GALNT10: variants seen among roughly 807,000 people sequenced by gnomAD.
GALNT10 encodes polypeptide N-acetylgalactosaminyltransferase 10, also known as GalNAc transferase 10.
GALNT10 carries 41 observed loss-of-function variants against 75.0 expected under a neutral mutation model. The observed-to-expected ratio is 0.55, with a 90% CI of 0.43 to 0.71. The LOEUF is 0.71. GALNT10 is among the 30% of genes least tolerant of loss of function. GALNT10 has a pLI of 0.00. For missense variants in GALNT10, 727 were observed against 818.5 expected (o/e 0.89, Z 1.36); for synonymous variants, 302 against 313.0 (o/e 0.96, Z 0.37).
At chr5:154,391,934 T>A (rs1049792341) in intron 7 of GALNT10, among the ~76,000 whole-genome samples, 1 of 152,196 alleles carries the variant, frequency 6.6e-6, no homozygotes, top group Non-Finnish European at 1.5e-5. Flanking sequence ...GCTGGCCCCA[T>A]GCCCATCCCT....
chr5:154,209,369 A>G (rs568519334), intron 1 of GALNT10, among the ~76,000 whole-genome samples: 20 of 152,294 alleles, frequency 1.3e-4, no homozygotes, highest in Admixed American at 1.1e-3. Context: ...GCCCAGAACC[A>G]TTTTTGCATA....
At chr5:154,203,301 G>C (rs1364201459) in intron 1 of GALNT10, among the ~76,000 whole-genome samples, 1 of 152,046 alleles carries the variant, frequency 6.6e-6, no homozygotes, top group Non-Finnish European at 1.5e-5. Flanking sequence ...CTCTCTCTTA[G>C]CAAATATGAT....
At position 154,329,558 on chromosome 5, in the gene GALNT10, A is replaced by G. The variant is rs775765514; in HGVS notation, c.402-14A>G. 16 of 1,611,284 alleles carry G rather than the reference A, an allele frequency of 9.9e-6. No individual in the cohort carries two copies. The highest frequency in any genetic ancestry group is 1.4e-5 in the Non-Finnish European group (16 of 1,177,624). ...CTGACCCTGTCCTCTGCCTCCCCTT[A>G]TGTTTCCCTCTAGCTGCAACAGCAA... On this transcript the variant is annotated splice_polypyrimidine_tract_variant and intron_variant, in intron 3 of 11. Coordinates refer to ENST00000297107, the MANE Select transcript of GALNT10 (RefSeq NM_198321.4).
At chr5:154,242,625 T>C (rs1351084994) in intron 1 of GALNT10, among the ~76,000 whole-genome samples, 1 of 152,216 alleles carries the variant, frequency 6.6e-6, no homozygotes, top group African/African-American at 2.4e-5. Context: ...TGTCACTCTC[T>C]TGAGAGCTCA....
At chr5:154,404,453 A>G (rs1756230312) in intron 8 of GALNT10, among the ~76,000 whole-genome samples, 1 of 152,194 alleles carries the variant, frequency 6.6e-6, no homozygotes, top group South Asian at 2.1e-4. Context: ...CTTTGTTTAA[A>G]GAGAGCTAAT....
At chr5:154,304,186 T>G (rs933530182) in intron 3 of GALNT10, among the ~76,000 whole-genome samples, 1 of 152,206 alleles carries the variant, frequency 6.6e-6, no homozygotes, top group African/African-American at 2.4e-5. Flanking sequence ...AATTCTAATA[T>G]TCATGTAATT....
intron 1 of GALNT10, among the ~76,000 whole-genome samples, chr5:154,270,801 C>T (rs767958590): frequency 1.1e-4 from 17 of 152,038 alleles, no homozygotes; most frequent in Non-Finnish European, 1.0e-4. Flanking sequence ...CAAGAGGAGC[C>T]TGGCCAACAT....
intron 1 of GALNT10, among the ~76,000 whole-genome samples, chr5:154,214,692 G>A (rs1247607961): frequency 6.6e-6 from 1 of 152,198 alleles, no homozygotes. Context: ...AAAGTGACGG[G>A]AAGGGATTCA....
intron 4 of GALNT10, among the ~76,000 whole-genome samples, chr5:154,356,693 C>T (rs1755302825): frequency 6.6e-6 from 1 of 152,210 alleles, no homozygotes; most frequent in African/African-American, 2.4e-5. Flanking sequence ...ACCTGGGCTG[C>T]ACTCCAGGGC....
chr5:154,337,772 T>C, intron 4 of GALNT10: 2 of 1,109,654 alleles, frequency 1.8e-6, no homozygotes, highest in South Asian at 1.2e-5. Context: ...TGAAGTTTCA[T>C]CCATGACCAA....
At chr5:154,239,581 C>T (rs935286184) in intron 1 of GALNT10, among the ~76,000 whole-genome samples, 8 of 152,180 alleles carry the variant, frequency 5.3e-5, no homozygotes, top group South Asian at 4.1e-4. Context: ...GGTCCCCATC[C>T]GTGGAAAAAT....
At chr5:154,216,738 C>T (rs1249859970) in intron 1 of GALNT10, among the ~76,000 whole-genome samples, 2 of 152,118 alleles carry the variant, frequency 1.3e-5, no homozygotes, top group African/African-American at 4.8e-5. Context: ...TCCTTCTAGT[C>T]CATCATTATT....
At position 154,409,945 on chromosome 5, in the gene GALNT10, T is replaced by C. The variant is rs4958734; in HGVS notation, c.1386+183T>C. Among the ~76,000 whole-genome samples the C allele has an allele frequency of 0.077, 11,669 of 152,312 alleles. 450 individuals carry two copies. Among genetic ancestry groups the C allele is most frequent in the East Asian group, 0.096 (496 of 5,192 alleles). On this transcript the variant is annotated intron_variant, in intron 9 of 11. Transcript: ENST00000297107. This position sits in a 1 kb window ranked among gnomAD's most constrained non-coding sequence, Gnocchi z 4.5. The stretch of plus-strand genomic sequence containing the variant: ...GTGTATTTTTACTTGTTAGTTAGTG[T>C]TCTCAGTGTAGAAAAATTAAAACTT...
chr5:154,390,992 G>A (rs1168190642), intron 7 of GALNT10, among the ~76,000 whole-genome samples: 1 of 152,226 alleles, frequency 6.6e-6, no homozygotes, highest in African/African-American at 2.4e-5. Flanking sequence ...ACAGTGTAAT[G>A]AGGAGGCTCC....
intron 1 of GALNT10, among the ~76,000 whole-genome samples, chr5:154,217,623 G>T (rs1330338753): frequency 2.0e-5 from 3 of 152,208 alleles, no homozygotes; most frequent in African/African-American, 7.2e-5. Flanking sequence ...GTTCCCACAT[G>T]CACAGAGCCA....
chr5:154,219,119 C>T (rs112397650), intron 1 of GALNT10, among the ~76,000 whole-genome samples: 10,232 of 152,232 alleles, frequency 0.067, 1,122 homozygotes, highest in African/African-American at 0.23. Context: ...TCGTAGTCCC[C>T]TGCTCTCCCA....
chr5:154,316,465 C>T (rs1448732403), intron 3 of GALNT10, among the ~76,000 whole-genome samples: 1 of 152,210 alleles, frequency 6.6e-6, no homozygotes, highest in Non-Finnish European at 1.5e-5. Context: ...GATGGCAAGG[C>T]ACAGGCCTGG....
At chr5:154,288,385 T>C (rs1754143237) in intron 1 of GALNT10, among the ~76,000 whole-genome samples, 1 of 148,966 alleles carries the variant, frequency 6.7e-6, no homozygotes, top group South Asian at 2.2e-4. Context: ...TAAATAGTGA[T>C]TAAACAAAGA....
Position 154,380,822 on chromosome 5 carries a change from T to G in GALNT10, c.938+191T>G, listed in dbSNP as rs1056400031. Among the ~76,000 whole-genome samples, 29 of 152,042 alleles carry G rather than the reference T, an allele frequency of 1.9e-4. 1 individual carries two copies. The highest frequency in any genetic ancestry group is 4.4e-5 in the Non-Finnish European group (3 of 67,992). On this transcript the variant is annotated intron_variant, in intron 6 of 11. Coordinates refer to ENST00000297107, the MANE Select transcript of GALNT10 (RefSeq NM_198321.4). ...CCTCCCAGCTTGTAACAACCTCAGC[T>G]CATGGCCCACCAGGCTGGTCTCCAC...
Sources: allele counts gnomAD v4.1 joint callset (sites outside exome capture counted in the v4.1 genomes callset), GRCh38; gene constraint gnomAD v4.1.1; non-coding constraint Gnocchi (gnomAD v3.1); transcripts MANE v1.5; gene names NCBI Gene and HGNC (gene_info 2026-07-23, HGNC 2026-07-21).